Variants in NPL observed in about 807,000 individuals in gnomAD.
The protein encoded by NPL is N-acetylneuraminate lyase.
NPL carries 32 observed loss-of-function variants against 41.1 expected under a neutral mutation model. The ratio of observed to expected loss-of-function variants is 0.78; its 90% CI spans 0.59 to 1.05. NPL has a LOEUF of 1.05. Among genes scored for constraint, NPL ranks in the 50% least tolerant of loss-of-function variants. The pLI is 0.00. For synonymous variants in NPL, 128 were observed against 134.9 expected (o/e 0.95, Z 0.35); for missense variants, 321 against 378.4 (o/e 0.85, Z 1.26).
rs545438743 is a variant in NPL, at chr1:182,827,386, C to G, written c.779-1338C>G. 2.6e-5 allele frequency among the ~76,000 whole-genome samples: 4 copies of G among 152,196 alleles called. No homozygotes were observed. In the East Asian group the frequency reaches 7.7e-4, roughly 29 times the overall value. On this transcript the variant is annotated intron_variant, in intron 12 of 12. Coordinates refer to ENST00000367553, the MANE Select transcript of NPL (RefSeq NM_030769.3). ...CTGAAGGCTTTGTCTTTCTTTAGTT[C>G]TGAAAAAATTCTCTGTTATCTGTAA...
chr1:182,800,990 A>G (rs1471505690), intron 3 of NPL, among the ~76,000 whole-genome samples: 1 of 152,058 alleles, frequency 6.6e-6, no homozygotes, highest in East Asian at 1.9e-4. Flanking sequence ...TCAGCCTCCC[A>G]AAGTGCTGAG....
intron 9 of NPL, 41 bp from the exon 10 acceptor site, chr1:182,818,772 T>C: frequency 6.2e-7 from 1 of 1,613,920 alleles, no homozygotes; most frequent in Non-Finnish European, 8.5e-7. Flanking sequence ...CTCTTCTCTT[T>C]CTCTTTTTTA....
chr1:182,811,815 T>C (rs1294309318), intron 5 of NPL, among the ~76,000 whole-genome samples: 1 of 152,194 alleles, frequency 6.6e-6, no homozygotes, highest in Non-Finnish European at 1.5e-5. Context: ...CAGAAATGGC[T>C]GTATTCCTAC....
At chr1:182,812,361 A>G in intron 6 of NPL, 148 bp downstream of exon 6, 1 of 743,588 alleles carries the variant, frequency 1.3e-6, no homozygotes, top group Non-Finnish European at 2.4e-6. Context: ...GCATAGAAGC[A>G]GGCATTGAGC....
intron 10 of NPL, among the ~76,000 whole-genome samples, chr1:182,820,215 A>G (rs1052893889): frequency 3.9e-5 from 6 of 152,238 alleles, no homozygotes; most frequent in African/African-American, 1.4e-4. Flanking sequence ...ACTTAGCAAA[A>G]GACAGGCAAT....
In NPL at chr1:182,792,256, G is replaced by A. The variant is rs963840550; in HGVS notation, c.-47G>A. On this transcript the variant is annotated 5_prime_UTR_variant, in exon 2 of 13. Coordinates refer to ENST00000367553, the MANE Select transcript of NPL (RefSeq NM_030769.3). ...GAAGGGGAAACTGAAGCAGAAAGAG[G>A]TTACTTAATGGGCTCAAGGTCACCT... is the stretch of plus-strand genomic sequence containing the variant. The A allele has an allele frequency of 6.6e-5, 10 of 152,168 alleles. No homozygotes were observed. The highest frequency in any genetic ancestry group is 2.4e-4 in the African/African-American group (10 of 41,426). The allele number at this position is 152,168 out of a possible 1,614,324, so 9.4% of individuals were successfully genotyped here.
chr1:182,807,546 G>A (rs1463871675), intron 5 of NPL, among the ~76,000 whole-genome samples: 1 of 151,870 alleles, frequency 6.6e-6, no homozygotes, highest in African/African-American at 2.4e-5. Context: ...AGGACCATGG[G>A]CAGAGTGTGA....
chr1:182,800,805 C>G lies in NPL; in HGVS notation c.69-2893C>G, dbSNP rs1048419178. Among the ~76,000 whole-genome samples the G allele has an allele frequency of 5.4e-5, 8 of 147,108 alleles. No homozygotes were observed. In the East Asian group the frequency reaches 1.6e-3, roughly 30 times the overall value. ...AGTGCAGTGGTGCTATCTTGGCTCA[C>G]TGCAACCTCCACCTCCCGGGTTCAA... On this transcript the variant is annotated intron_variant, in intron 3 of 12. Transcript: ENST00000367553.
In NPL at chr1:182,822,110, G is replaced by T; in HGVS notation, c.654-5G>T. The T allele has an allele frequency of 1.3e-6, 2 of 1,594,370 alleles. No homozygotes were observed. The highest frequency in any genetic ancestry group is 1.7e-6 in the Non-Finnish European group (2 of 1,162,084). ...AACCTGCAGTATTTGTTATTGTCTT[G>T]CCAGTACCTATAACTACCTGGGAAA... On this transcript the variant is annotated splice_region_variant and splice_polypyrimidine_tract_variant and intron_variant, in intron 10 of 12. Coordinates refer to ENST00000367553, the MANE Select transcript of NPL (RefSeq NM_030769.3).
chr1:182,791,259 G>A (rs1666508813), intron 1 of NPL: 2 of 152,078 alleles, frequency 1.3e-5, no homozygotes. Flanking sequence ...TATACCTGCT[G>A]GAATGGATAA....
intron 3 of NPL, among the ~76,000 whole-genome samples, chr1:182,801,773 C>T (rs1666853887): frequency 6.6e-6 from 1 of 152,044 alleles, no homozygotes; most frequent in Admixed American, 6.6e-5. Context: ...GAGGTCAAGG[C>T]TTGCAGTGAG....
chr1:182,819,019 T>G (rs1196847161), intron 10 of NPL, among the ~76,000 whole-genome samples, 160 bp downstream of exon 10: 1 of 152,250 alleles, frequency 6.6e-6, no homozygotes, highest in East Asian at 1.9e-4. Context: ...CTTAGCTGTT[T>G]GTTAGAAATT....
intron 4 of NPL, 64 bp downstream of exon 4, chr1:182,803,835 C>G (rs959897501): frequency 1.4e-5 from 16 of 1,153,812 alleles, no homozygotes; most frequent in African/African-American, 3.0e-5. Context: ...TATATCTTAC[C>G]TGGTTACCAG....
intron 5 of NPL, among the ~76,000 whole-genome samples, chr1:182,807,610 C>T (rs573113932): frequency 6.6e-6 from 1 of 151,390 alleles, no homozygotes; most frequent in East Asian, 1.9e-4. Context: ...GGCATGGTGG[C>T]TCATGCCTGT....
chr1:182,814,874 TG>T lies in NPL; in HGVS notation c.364+17del, dbSNP rs1243371369. The T allele has an allele frequency of 6.2e-7, 1 of 1,600,182 alleles. No homozygotes were observed. The highest frequency in any genetic ancestry group is 2.2e-5 in the East Asian group (1 of 44,818). On this transcript the variant is annotated intron_variant, in intron 7 of 12. Transcript: ENST00000367553. ...TGGACCAAAGGTAAGTAGATAGGTCTGAATGCATGGCATCTCACATGGTCCA... is the reference window on the plus strand; with the variant it reads ...TGGACCAAAGGTAAGTAGATAGGTCTAATGCATGGCATCTCACATGGTCCA...
chr1:182,826,483 T>C, intron 12 of NPL: 1 of 153,196 alleles, frequency 6.5e-6, no homozygotes, highest in Admixed American at 6.5e-5. Context: ...CCCTGCTCCC[T>C]GTCAGAGTCC....
chr1:182,800,232 T>C (rs1002435326), intron 3 of NPL, among the ~76,000 whole-genome samples: 1 of 151,790 alleles, frequency 6.6e-6, no homozygotes, highest in Non-Finnish European at 1.5e-5. Flanking sequence ...GCCCAGGAGT[T>C]CGAGACCAGC....
chr1:182,799,907 G>A (rs548687132), intron 3 of NPL, among the ~76,000 whole-genome samples: 1 of 152,306 alleles, frequency 6.6e-6, no homozygotes, highest in East Asian at 1.9e-4. Flanking sequence ...GTTGTTAGAT[G>A]TGTTCTTGGG....
chr1:182,818,409 T>C (rs777164934), intron 8 of NPL, 132 bp from the exon 9 acceptor site: 5 of 1,110,220 alleles, frequency 4.5e-6, no homozygotes, highest in Non-Finnish European at 6.8e-6. Flanking sequence ...CAGGGACCAG[T>C]GATTATGCCT....
Sources: gnomAD v4.1 joint callset for allele counts (sites outside exome capture counted in the v4.1 genomes callset) on GRCh38, gnomAD v4.1.1 for gene constraint, MANE v1.5 for transcripts, NCBI Gene and HGNC (gene_info 2026-07-23, HGNC 2026-07-21) for gene names.